RANBP2: variants seen among roughly 807,000 people sequenced by gnomAD.
The protein encoded by RANBP2 is E3 SUMO-protein ligase RanBP2.
Under a neutral mutation model 303.6 loss-of-function variants are expected in RANBP2, and 57 were observed. That is an observed-to-expected ratio of 0.19 (90% CI 0.15 to 0.23). The LOEUF (loss-of-function observed/expected upper bound fraction) is 0.23. Ranked by LOEUF, RANBP2 falls within the 10% of genes least tolerant of loss-of-function variation. The pLI is 1.00. For synonymous variants in RANBP2, 1,167 were observed against 1,301.5 expected (o/e 0.90, Z 2.23); for missense variants, 3,138 against 3,780.8 (o/e 0.83, Z 4.46).
rs771952268 is a variant in RANBP2, at chr2:108,736,089, C to G, written c.637-15C>G. ...TGATTAAGTTTTGTAACTTACTGTT[C>G]ATTCCACAAAATAGGAATATCTGGA... On this transcript the variant is annotated splice_polypyrimidine_tract_variant and intron_variant, in intron 5 of 28. Transcript: ENST00000283195. 3.1e-6 allele frequency: 5 copies of G among 1,611,650 alleles called. No homozygotes were observed. The highest frequency in any genetic ancestry group is 4.5e-4 in the Middle Eastern group (2 of 4,428).
the RANBP2 span, among the ~76,000 whole-genome samples, chr2:109,472,619 C>T: frequency 2.6e-5 from 4 of 152,194 alleles, no homozygotes; most frequent in Non-Finnish European, 5.9e-5. Context: ...CATTTAAAAA[C>T]AAAATTCAGG....
At chr2:109,599,503 G>A in the RANBP2 span, among the ~76,000 whole-genome samples, 1 of 151,326 alleles carries the variant, frequency 6.6e-6, no homozygotes, top group Non-Finnish European at 1.5e-5. Context: ...TACCAAGAGT[G>A]AGCAAGATAA....
At chr2:109,156,784 T>C in the RANBP2 span, among the ~76,000 whole-genome samples, 2 of 152,100 alleles carry the variant, frequency 1.3e-5, no homozygotes, top group African/African-American at 4.8e-5. Context: ...AGGGTTGTTG[T>C]AGGAGATAGA....
At chr2:108,906,120 C>T in the RANBP2 span, among the ~76,000 whole-genome samples, 9 of 152,206 alleles carry the variant, frequency 5.9e-5, no homozygotes, top group African/African-American at 1.4e-4. Context: ...AGATGCCTTC[C>T]GATATCTGGG....
the RANBP2 span, chr2:108,923,521 A>T: frequency 6.8e-7 from 1 of 1,477,888 alleles, no homozygotes; most frequent in Non-Finnish European, 9.5e-7. Flanking sequence ...GGACTGGTGC[A>T]GAGAGCACGG....
At chr2:109,370,015 A>C in the RANBP2 span, among the ~76,000 whole-genome samples, 1 of 152,128 alleles carries the variant, frequency 6.6e-6, no homozygotes, top group Non-Finnish European at 1.5e-5. Context: ...CAAGTCACAC[A>C]TGGGCCAGCT....
chr2:108,760,100 T>C (rs1266653035), intron 18 of RANBP2, among the ~76,000 whole-genome samples: 1 of 152,118 alleles, frequency 6.6e-6, no homozygotes, highest in Non-Finnish European at 1.5e-5. Context: ...TTAATAAAAG[T>C]AAACATATAT....
chr2:109,682,531 G>A, the RANBP2 span, among the ~76,000 whole-genome samples: 5 of 152,124 alleles, frequency 3.3e-5, no homozygotes, highest in African/African-American at 7.2e-5. Context: ...AAGGCCCTTA[G>A]GGATCAGCAG....
chr2:109,579,462 C>A, the RANBP2 span, among the ~76,000 whole-genome samples: 4,749 of 151,356 alleles, frequency 0.031, 101 homozygotes, highest in Non-Finnish European at 0.044. Flanking sequence ...TGGCTCACTG[C>A]AAACTCTGCC....
At chr2:109,486,461 A>G in the RANBP2 span, among the ~76,000 whole-genome samples, 4 of 152,352 alleles carry the variant, frequency 2.6e-5, no homozygotes, top group South Asian at 8.3e-4. Flanking sequence ...GGAACTAACT[A>G]GGTCCTAGGT....
chr2:109,190,599 C>T, the RANBP2 span, among the ~76,000 whole-genome samples: 1 of 152,240 alleles, frequency 6.6e-6, no homozygotes, highest in Non-Finnish European at 1.5e-5. Context: ...AATTACCACA[C>T]TCCCATTGCA....
chr2:109,733,179 T>TC, the RANBP2 span: 1 of 146,204 alleles, frequency 6.8e-6, no homozygotes, highest in Non-Finnish European at 1.5e-5. Context: ...CTAGGTCAAA[T>TC]GAAAAAAAAA....
intron 17 of RANBP2, among the ~76,000 whole-genome samples, chr2:108,757,697 G>A (rs1358714334): frequency 6.6e-6 from 1 of 152,180 alleles, no homozygotes; most frequent in Non-Finnish European, 1.5e-5. Flanking sequence ...ACACTGAAAG[G>A]ATGGTCAGTG....
At chr2:109,376,368 C>T in the RANBP2 span, among the ~76,000 whole-genome samples, 1 of 152,188 alleles carries the variant, frequency 6.6e-6, no homozygotes, top group Non-Finnish European at 1.5e-5. Context: ...AAGGAATCAG[C>T]TCGGGTTGGA....
chr2:109,349,023 C>T, the RANBP2 span, among the ~76,000 whole-genome samples: 1 of 151,992 alleles, frequency 6.6e-6, no homozygotes, highest in Admixed American at 6.6e-5. Flanking sequence ...CAGTATTTCT[C>T]TCTCTCTCTC....
chr2:109,458,336 A>G, the RANBP2 span, among the ~76,000 whole-genome samples: 7 of 152,136 alleles, frequency 4.6e-5, no homozygotes, highest in African/African-American at 1.2e-4. Flanking sequence ...TGTTATTGCT[A>G]TAGGATTTCT....
At chr2:108,857,445 G>C in the RANBP2 span, among the ~76,000 whole-genome samples, 1 of 152,054 alleles carries the variant, frequency 6.6e-6, no homozygotes, top group East Asian at 1.9e-4. Flanking sequence ...AAAAAATTAG[G>C]TAACTTCTCC....
the RANBP2 span, among the ~76,000 whole-genome samples, chr2:108,905,305 G>A: frequency 6.6e-6 from 1 of 152,180 alleles, no homozygotes; most frequent in Non-Finnish European, 1.5e-5. Flanking sequence ...TGGAAGGTGA[G>A]TCCTAGACCA....
At chr2:109,391,592 C>T in the RANBP2 span, among the ~76,000 whole-genome samples, 1 of 152,210 alleles carries the variant, frequency 6.6e-6, no homozygotes, top group East Asian at 1.9e-4. Context: ...GTGGCCACGG[C>T]TTGTGGCCGG....
Sources: allele counts gnomAD v4.1 joint callset (sites outside exome capture counted in the v4.1 genomes callset), GRCh38; gene constraint gnomAD v4.1.1; transcripts MANE v1.5; gene names NCBI Gene and HGNC (gene_info 2026-07-23, HGNC 2026-07-21).